Variants in FAM163A observed in about 807,000 individuals in gnomAD.
FAM163A encodes protein FAM163A.
In FAM163A, 7 loss-of-function variants were observed where a neutral mutation model predicts 12.0. The observed-to-expected ratio is 0.58, with a 90% confidence interval of 0.33 to 1.10. The LOEUF (loss-of-function observed/expected upper bound fraction) is 1.10. FAM163A is among the 50% of genes least tolerant of loss of function. FAM163A has a pLI of 0.03. For missense variants in FAM163A, 202 were observed against 218.6 expected (o/e 0.92, Z 0.48); for synonymous variants, 101 against 91.0 (o/e 1.11, Z -0.62).
intron 1 of FAM163A, among the ~76,000 whole-genome samples, chr1:179,749,405 G>T (rs550163402): frequency 6.6e-6 from 1 of 152,308 alleles, no homozygotes; most frequent in African/African-American, 2.4e-5. Context: ...AGCATGATAA[G>T]CAGTAGCAGA....
chr1:179,782,172 C>CAGG (rs1265983583), intron 1 of FAM163A, among the ~76,000 whole-genome samples: 1 of 152,088 alleles, frequency 6.6e-6, no homozygotes, highest in Non-Finnish European at 1.5e-5. Context: ...GGACAAGGAC[C>CAGG]AGGCCTCTGT....
At chr1:179,772,045 A>C (rs1192454383) in intron 1 of FAM163A, among the ~76,000 whole-genome samples, 1 of 152,104 alleles carries the variant, frequency 6.6e-6, no homozygotes, top group Non-Finnish European at 1.5e-5. Context: ...CTCCCAGGTC[A>C]CAGTCTCTAG....
intron 2 of FAM163A, among the ~76,000 whole-genome samples, chr1:179,808,302 C>T (rs1003101234): frequency 6.6e-6 from 1 of 152,344 alleles, no homozygotes; most frequent in African/African-American, 2.4e-5. Context: ...TCTTTTGCTG[C>T]GTCACAAACT....
chr1:179,780,509 G>T (rs1014469594), intron 1 of FAM163A, among the ~76,000 whole-genome samples: 2 of 152,338 alleles, frequency 1.3e-5, no homozygotes, highest in African/African-American at 4.8e-5. Flanking sequence ...GTGACCATTA[G>T]TCAATATGCC....
Position 179,813,924 on chromosome 1 carries a change from C to CCAGCGAGCCCTG in FAM163A, c.244_255dup (p.Glu82_Ser85dup). ...GGCAGAGGCAGCCTGGCGCCTCTCACCAGCGAGCCCTGCAGCCAGCCCTGT... is the reference window on the plus strand; with the variant it reads ...GGCAGAGGCAGCCTGGCGCCTCTCACCAGCGAGCCCTGCAGCGAGCCCTGCAGCCAGCCCTGT... On this transcript the variant is annotated inframe_insertion, in exon 5 of 5. Coordinates refer to ENST00000341785, the MANE Select transcript of FAM163A (RefSeq NM_173509.3). 6.2e-7 allele frequency: 1 copy of CCAGCGAGCCCTG among 1,613,786 alleles called. No individual in the cohort carries two copies. Among genetic ancestry groups the CCAGCGAGCCCTG allele is most frequent in the African/African-American group, 1.3e-5 (1 of 75,048 alleles).
At chr1:179,758,634 T>G (rs982132819) in intron 1 of FAM163A, among the ~76,000 whole-genome samples, 7 of 152,260 alleles carry the variant, frequency 4.6e-5, no homozygotes, top group African/African-American at 1.4e-4. Context: ...CCCTAGCTGC[T>G]TCATTAGTGT....
chr1:179,790,935 G>A (rs931885693), intron 1 of FAM163A, among the ~76,000 whole-genome samples: 2 of 152,114 alleles, frequency 1.3e-5, no homozygotes, highest in African/African-American at 4.8e-5. Flanking sequence ...GCCAACCAGG[G>A]AGAAAAGAAC....
chr1:179,794,906 A>G (rs773948833), intron 1 of FAM163A, among the ~76,000 whole-genome samples: 15 of 152,152 alleles, frequency 9.9e-5, no homozygotes, highest in Non-Finnish European at 1.8e-4. Flanking sequence ...AGGCTGAGTG[A>G]CTTATCCAAA....
the FAM163A span, among the ~76,000 whole-genome samples, chr1:179,737,919 T>G: frequency 4.6e-5 from 7 of 152,048 alleles, no homozygotes; most frequent in African/African-American, 1.7e-4. Flanking sequence ...TGATTTGTAG[T>G]GATGGTTTCG....
At chr1:179,776,139 TGTGCCAGGTGCTGAAGAGATAAGAGCA>T (rs1688931552) in intron 1 of FAM163A, among the ~76,000 whole-genome samples, 1 of 152,142 alleles carries the variant, frequency 6.6e-6, no homozygotes, top group African/African-American at 2.4e-5. Context: ...CAGCTTATTC[TGTGCCAGGTGCTGAAGAGATAAGAGCA>T]GTGTAAATCG....
At chr1:179,763,200 G>A (rs1231352225) in intron 1 of FAM163A, among the ~76,000 whole-genome samples, 1 of 152,204 alleles carries the variant, frequency 6.6e-6, no homozygotes, top group Non-Finnish European at 1.5e-5. Context: ...ACCTTCTCGT[G>A]ATTTAGCCAT....
chr1:179,753,235 T>G (rs1028472516), intron 1 of FAM163A, among the ~76,000 whole-genome samples: 5 of 152,176 alleles, frequency 3.3e-5, no homozygotes, highest in African/African-American at 9.7e-5. Flanking sequence ...ACTGTATCAT[T>G]CCACTTACAT....
At chr1:179,744,047 G>C (rs1571280625) in intron 1 of FAM163A, among the ~76,000 whole-genome samples, 1 of 152,272 alleles carries the variant, frequency 6.6e-6, no homozygotes, top group East Asian at 1.9e-4. Context: ...GGCTCGGTTT[G>C]CTGGTGATTT....
the FAM163A span, among the ~76,000 whole-genome samples, chr1:179,733,181 T>G: frequency 6.6e-6 from 1 of 152,154 alleles, no homozygotes; most frequent in East Asian, 1.9e-4. Flanking sequence ...TGTACAACCT[T>G]AATACATAGG....
At chr1:179,762,415 G>A (rs11590232) in intron 1 of FAM163A, among the ~76,000 whole-genome samples, 2,548 of 152,250 alleles carry the variant, frequency 0.017, 35 homozygotes, top group African/African-American at 0.032. Flanking sequence ...TGTTCACCTG[G>A]TTGCGCTCCT....
upstream of FAM163A, among the ~76,000 whole-genome samples, chr1:179,741,265 C>T (rs772925982): frequency 2.6e-5 from 4 of 152,282 alleles, no homozygotes; most frequent in Non-Finnish European, 4.4e-5. Flanking sequence ...ACTGGCAAAA[C>T]ATAAGAAGTC....
intron 1 of FAM163A, among the ~76,000 whole-genome samples, chr1:179,764,544 G>A (rs1335617119): frequency 6.6e-6 from 1 of 152,102 alleles, no homozygotes; most frequent in Non-Finnish European, 1.5e-5. Context: ...GGTAGATGAG[G>A]TATTGATAGG....
chr1:179,813,127 C>A lies in FAM163A; in HGVS notation c.30C>A (p.Gly10=), dbSNP rs1489128839. MTAGTVVIT[G]GILATVILLC... is the part of the protein sequence containing the mutation. ...CAGCGGGAACGGTTGTGATCACTGGCGGAATCCTAGCTACGGTGATCCTCC... is the reference window on the plus strand; with the variant it reads ...CAGCGGGAACGGTTGTGATCACTGGAGGAATCCTAGCTACGGTGATCCTCC... The change falls in exon 4 of 5, where the codon GGC becomes GGA. Residue 10 remains glycine, a synonymous_variant. Coordinates refer to ENST00000341785, the MANE Select transcript of FAM163A (RefSeq NM_173509.3). 6.4e-7 allele frequency: 1 copy of A among 1,551,864 alleles called. No individual in the cohort carries two copies. Among genetic ancestry groups the A allele is most frequent in the South Asian group, 1.2e-5 (1 of 84,068 alleles).
intron 1 of FAM163A, among the ~76,000 whole-genome samples, chr1:179,770,117 G>A (rs1267109411): frequency 1.3e-5 from 2 of 151,684 alleles, no homozygotes; most frequent in Admixed American, 1.3e-4. Flanking sequence ...GTGTTAGCCA[G>A]GATTGTCTCA....
Sources: gnomAD v4.1 joint callset for allele counts (sites outside exome capture counted in the v4.1 genomes callset) on GRCh38, gnomAD v4.1.1 for gene constraint, MANE v1.5 for transcripts, NCBI Gene and HGNC (gene_info 2026-07-23, HGNC 2026-07-21) for gene names.